Variants in NELL2 observed in about 807,000 individuals in gnomAD.
NELL2 encodes neural EGFL like 2.
In NELL2, 41 loss-of-function variants were observed where a neutral mutation model predicts 109.6. That is an observed-to-expected ratio of 0.37 (90% CI 0.29 to 0.49). NELL2 has a LOEUF of 0.49. Among genes scored for constraint, NELL2 ranks in the 20% least tolerant of loss-of-function variants. The pLI, the probability that NELL2 is intolerant of heterozygous loss-of-function variation, is 0.98. For synonymous variants in NELL2, 355 were observed against 344.7 expected (o/e 1.03, Z -0.33); for missense variants, 900 against 1,008.3 (o/e 0.89, Z 1.45).
intron 9 of NELL2, among the ~76,000 whole-genome samples, chr12:44,757,727 T>C (rs1718253189): frequency 1.3e-5 from 2 of 152,174 alleles, no homozygotes; most frequent in African/African-American, 4.8e-5. Flanking sequence ...GTTCAACCTA[T>C]AAATTCTCCT....
intron 13 of NELL2, among the ~76,000 whole-genome samples, chr12:44,645,767 G>T (rs1947073403): frequency 6.6e-6 from 1 of 152,148 alleles, no homozygotes; most frequent in Non-Finnish European, 1.5e-5. Flanking sequence ...TACCAAAAGA[G>T]AGTGTCAGGG....
At chr12:44,540,748 C>A (rs1285602215) in intron 15 of NELL2, among the ~76,000 whole-genome samples, 1 of 102,656 alleles carries the variant, frequency 9.7e-6, no homozygotes. Context: ...AAAACTGGCT[C>A]TTTTTTTAGC....
intron 13 of NELL2, among the ~76,000 whole-genome samples, chr12:44,646,079 T>C (rs1285916979): frequency 6.6e-6 from 1 of 152,064 alleles, no homozygotes; most frequent in Non-Finnish European, 1.5e-5. Context: ...TTTTTTTTTA[T>C]CCTCCATAGC....
intron 3 of NELL2, among the ~76,000 whole-genome samples, chr12:44,793,161 T>C (rs1942495200): frequency 6.6e-6 from 1 of 152,104 alleles, no homozygotes; most frequent in African/African-American, 2.4e-5. Context: ...ATATATAACA[T>C]ATGTATGAAG....
intron 13 of NELL2, among the ~76,000 whole-genome samples, chr12:44,650,291 A>AC (rs1042539417): frequency 1.7e-4 from 21 of 121,956 alleles, no homozygotes; most frequent in Admixed American, 5.2e-4. Flanking sequence ...ACCTGCCTCC[A>AC]CCCCCCAATT....
intron 3 of NELL2, among the ~76,000 whole-genome samples, chr12:44,787,146 C>T (rs981059583): frequency 6.6e-6 from 1 of 151,704 alleles, no homozygotes. Context: ...TACATGGATA[C>T]CAAAATTAAA....
At chr12:44,598,246 T>G (rs1204966770) in intron 15 of NELL2, among the ~76,000 whole-genome samples, 1 of 152,040 alleles carries the variant, frequency 6.6e-6, no homozygotes, top group African/African-American at 2.4e-5. Context: ...TAAGGTTTTT[T>G]TTTTGTACCT....
At chr12:44,874,046 C>T (rs1945243354) in intron 2 of NELL2, among the ~76,000 whole-genome samples, 1 of 152,084 alleles carries the variant, frequency 6.6e-6, no homozygotes, top group Admixed American at 6.6e-5. Context: ...ATGTGAATTT[C>T]CTCCTTTCCC....
intron 9 of NELL2, among the ~76,000 whole-genome samples, chr12:44,734,139 A>T (rs1266760384): frequency 6.6e-6 from 1 of 151,928 alleles, no homozygotes; most frequent in Non-Finnish European, 1.5e-5. Context: ...TAATTCTGTC[A>T]ATTTTCTTAA....
At chr12:44,745,791 T>C (rs922141825) in intron 9 of NELL2, among the ~76,000 whole-genome samples, 5 of 152,090 alleles carry the variant, frequency 3.3e-5, no homozygotes, top group African/African-American at 1.2e-4. Context: ...CTCAATGAAA[T>C]AAAAGAGGAT....
intron 9 of NELL2, among the ~76,000 whole-genome samples, chr12:44,736,155 C>T (rs187917178): frequency 0.052 from 7,964 of 151,730 alleles, 341 homozygotes; most frequent in Non-Finnish European, 0.074. Context: ...GGACTACAGG[C>T]GCGCGCCACC....
At chr12:44,714,210 A>G (rs1478895361) in intron 10 of NELL2, among the ~76,000 whole-genome samples, 3 of 152,008 alleles carry the variant, frequency 2.0e-5, no homozygotes, top group Non-Finnish European at 4.4e-5. Flanking sequence ...TTCCAAAGGG[A>G]ATTAGATAAA....
chr12:44,649,664 G>A (rs1179384630), intron 13 of NELL2, among the ~76,000 whole-genome samples: 1 of 152,166 alleles, frequency 6.6e-6, no homozygotes, highest in Admixed American at 6.5e-5. Context: ...CAAGCTTTAT[G>A]TGTATTCTTT....
chr12:44,857,178 C>G (rs1001050207), intron 2 of NELL2, among the ~76,000 whole-genome samples: 3 of 152,032 alleles, frequency 2.0e-5, no homozygotes, highest in Admixed American at 2.0e-4. Context: ...GGAAAAGGAA[C>G]CAGGAAGAAT....
At chr12:44,743,157 A>G (rs574612472) in intron 9 of NELL2, among the ~76,000 whole-genome samples, 2 of 152,340 alleles carry the variant, frequency 1.3e-5, no homozygotes, top group African/African-American at 2.4e-5. Context: ...CAACATTCTT[A>G]AAGAAAAGAA....
intron 3 of NELL2, among the ~76,000 whole-genome samples, chr12:44,787,978 A>G (rs1942242645): frequency 6.6e-6 from 1 of 152,312 alleles, no homozygotes; most frequent in East Asian, 1.9e-4. Flanking sequence ...AGAAAGGGAA[A>G]CTTTTGTGCA....
intron 1 of NELL2, among the ~76,000 whole-genome samples, chr12:44,882,061 A>G (rs1260898362): frequency 6.6e-6 from 1 of 151,946 alleles, no homozygotes; most frequent in Non-Finnish European, 1.5e-5. Flanking sequence ...TGAAAGAAAA[A>G]CATTCTCAGA....
intron 9 of NELL2, among the ~76,000 whole-genome samples, chr12:44,770,798 C>G (rs1448046122): frequency 6.6e-6 from 1 of 152,156 alleles, no homozygotes; most frequent in Non-Finnish European, 1.5e-5. Context: ...AGCATCAGTT[C>G]AGATTTGCCT....
At chr12:44,750,984 A>G (rs1940625200) in intron 9 of NELL2, among the ~76,000 whole-genome samples, 1 of 152,196 alleles carries the variant, frequency 6.6e-6, no homozygotes, top group African/African-American at 2.4e-5. Flanking sequence ...AAAAATCAGG[A>G]TTTAGCAACA....
Sources: gnomAD v4.1 joint callset for allele counts (sites outside exome capture counted in the v4.1 genomes callset) on GRCh38, gnomAD v4.1.1 for gene constraint, MANE v1.5 for transcripts, NCBI Gene and HGNC (gene_info 2026-07-23, HGNC 2026-07-21) for gene names.